The following CDH4 variants were observed in gnomAD, a reference collection of about 807,000 sequenced individuals.
CDH4 encodes cadherin 4.
In CDH4, 33 loss-of-function variants were observed where a neutral mutation model predicts 86.0. The ratio of observed to expected loss-of-function variants is 0.38; its 90% CI spans 0.29 to 0.51. The LOEUF is 0.51. Ranked by LOEUF, CDH4 falls within the 20% of genes least tolerant of loss-of-function variation. CDH4 has a pLI of 0.86. For synonymous variants in CDH4, 555 were observed against 549.4 expected (o/e 1.01, Z -0.14); for missense variants, 1,114 against 1,307.4 (o/e 0.85, Z 2.28).
chr20:61,404,731 T>C (rs2085070771), intron 2 of CDH4, among the ~76,000 whole-genome samples: 2 of 151,698 alleles, frequency 1.3e-5, no homozygotes, highest in Non-Finnish European at 2.9e-5. Context: ...TTTTTTTTTC[T>C]TTTTTTCCTA....
At chr20:61,662,162 A>G (rs2145833519) in intron 2 of CDH4, among the ~76,000 whole-genome samples, 1 of 152,128 alleles carries the variant, frequency 6.6e-6, no homozygotes, top group South Asian at 2.1e-4. Context: ...CTAATCTGCC[A>G]TGGCCTGGTG....
intron 3 of CDH4, among the ~76,000 whole-genome samples, chr20:61,748,843 A>C (rs372230761): frequency 6.6e-6 from 1 of 152,262 alleles, no homozygotes; most frequent in East Asian, 1.9e-4. Flanking sequence ...ACGTAATAAA[A>C]GGAAAAAATA....
At chr20:61,636,573 G>T (rs2086948368) in intron 2 of CDH4, among the ~76,000 whole-genome samples, 1 of 152,262 alleles carries the variant, frequency 6.6e-6, no homozygotes, top group Non-Finnish European at 1.5e-5. Flanking sequence ...AGCCCAGCGA[G>T]CGTGGCCTTT....
chr20:61,635,530 C>G (rs923627822), intron 2 of CDH4, among the ~76,000 whole-genome samples: 1 of 152,182 alleles, frequency 6.6e-6, no homozygotes, highest in African/African-American at 2.4e-5. Flanking sequence ...TCTGTGTCCC[C>G]TCCATGTTCT....
intron 4 of CDH4, among the ~76,000 whole-genome samples, chr20:61,798,474 G>A (rs1223924756): frequency 1.3e-5 from 2 of 152,190 alleles, no homozygotes; most frequent in Admixed American, 6.5e-5. Context: ...TGGCCCCGGG[G>A]TGCATCGCGC....
intron 2 of CDH4, among the ~76,000 whole-genome samples, chr20:61,448,164 G>T (rs1467933896): frequency 6.6e-6 from 1 of 152,216 alleles, no homozygotes; most frequent in Non-Finnish European, 1.5e-5. Context: ...ACTCCATGCT[G>T]GCTGGAAGCC....
chr20:61,507,572 C>T (rs903382808), intron 2 of CDH4, among the ~76,000 whole-genome samples: 2 of 151,988 alleles, frequency 1.3e-5, no homozygotes, highest in African/African-American at 2.4e-5. Flanking sequence ...GAAAAACAGA[C>T]GATTTTTCTA....
chr20:61,414,971 G>A (rs954825204), intron 2 of CDH4, among the ~76,000 whole-genome samples: 1 of 152,348 alleles, frequency 6.6e-6, no homozygotes, highest in South Asian at 2.1e-4. Context: ...GCTGATGGAT[G>A]TCCTGCATCC....
In CDH4 at chr20:61,517,434, A is replaced by G. The variant is rs2085829865; in HGVS notation, c.170-226129A>G. Among the ~76,000 whole-genome samples, 1 of 152,098 alleles carries G rather than the reference A, an allele frequency of 6.6e-6. No homozygotes were observed. Among genetic ancestry groups the G allele is most frequent in the Non-Finnish European group, 1.5e-5 (1 of 68,008 alleles). ...GGTCTCAAGTGCCTGGCCTCAAGCA[A>G]TCCTCCCACCTTGGCCTCCCAAAGT... On this transcript the variant is annotated intron_variant, in intron 2 of 15. Coordinates refer to ENST00000614565, the MANE Select transcript of CDH4 (RefSeq NM_001794.5). This position sits in a 1 kb window ranked among gnomAD's most constrained non-coding sequence, Gnocchi z 6.6.
chr20:61,875,688 A>C (rs1600728794), intron 7 of CDH4, among the ~76,000 whole-genome samples: 1 of 152,078 alleles, frequency 6.6e-6, no homozygotes, highest in Non-Finnish European at 1.5e-5. Context: ...CTGAGGCCCC[A>C]CCGCCCTCCA....
Position 61,308,062 on chromosome 20 carries a change from C to A in CDH4, c.169+53125C>A, listed in dbSNP as rs1313808616. On this transcript the variant is annotated intron_variant, in intron 2 of 15. Transcript: ENST00000614565. ...GGCTCTCCCTGTGGAGGTGAGATGA[C>A]CAGAATCACTGTAGAAGTACAAGGA... 4.6e-5 allele frequency among the ~76,000 whole-genome samples: 7 copies of A among 152,290 alleles called. No homozygotes were observed. The East Asian group carries it at 1.4e-3, about 29-fold the overall frequency.
intron 2 of CDH4, among the ~76,000 whole-genome samples, chr20:61,476,081 C>T (rs1395385646): frequency 6.6e-6 from 1 of 152,194 alleles, no homozygotes; most frequent in Non-Finnish European, 1.5e-5. Context: ...ACATAAGCCA[C>T]GAGCTTAATG....
intron 7 of CDH4, among the ~76,000 whole-genome samples, chr20:61,884,153 T>C (rs912479143): frequency 6.6e-6 from 1 of 152,038 alleles, no homozygotes; most frequent in African/African-American, 2.4e-5. Flanking sequence ...GAGGGTCTGC[T>C]GGAGTTGGGC....
rs764552572 is a variant in CDH4 at position 61,910,654 on chromosome 20, C to T, written c.1374+47C>T. 31 of 1,517,336 alleles carry T rather than the reference C, an allele frequency of 2.0e-5. No individual in the cohort carries two copies. The East Asian group carries it at 6.6e-4, about 32-fold the overall frequency. The allele number at this position is 1,517,336 out of a possible 1,614,324, so 94.0% of individuals were successfully genotyped here. A position where few individuals can be genotyped will look rare whatever the true frequency, so the allele number is the denominator to read the frequency against. On this transcript the variant is annotated intron_variant, in intron 9 of 15. Coordinates refer to ENST00000614565, the MANE Select transcript of CDH4 (RefSeq NM_001794.5). ...TGCCAGGCACCCCAAGTTCTGCCACCTGCACACTCCCTAGGACCAGTCAAA... is the reference window on the plus strand; with the variant it reads ...TGCCAGGCACCCCAAGTTCTGCCACTTGCACACTCCCTAGGACCAGTCAAA...
chr20:61,888,307 G>T (rs1984637859), intron 7 of CDH4, among the ~76,000 whole-genome samples: 1 of 152,210 alleles, frequency 6.6e-6, no homozygotes, highest in Non-Finnish European at 1.5e-5. Context: ...ACCGCTGCTG[G>T]CACCGTCCCC....
At chr20:61,862,089 G>A (rs114298978) in intron 6 of CDH4, among the ~76,000 whole-genome samples, 105 of 152,298 alleles carry the variant, frequency 6.9e-4, no homozygotes, top group African/African-American at 2.3e-3. Context: ...CACGCTCTGC[G>A]CCAGCTCCTT....
intron 2 of CDH4, among the ~76,000 whole-genome samples, chr20:61,257,909 G>T (rs115443721): frequency 6.6e-6 from 1 of 152,192 alleles, no homozygotes; most frequent in Non-Finnish European, 1.5e-5. Flanking sequence ...GAGGGCTCCC[G>T]GGTCGTATCT....
chr20:61,406,370 A>G (rs528947279), intron 2 of CDH4, among the ~76,000 whole-genome samples: 2 of 146,118 alleles, frequency 1.4e-5, no homozygotes, highest in South Asian at 4.5e-4. Flanking sequence ...ACCATCTGCC[A>G]TCTGCTCTGC....
At chr20:61,658,643 C>G (rs748283559) in intron 2 of CDH4, among the ~76,000 whole-genome samples, 1 of 152,206 alleles carries the variant, frequency 6.6e-6, no homozygotes, top group African/African-American at 2.4e-5. Context: ...ATGTCCTGGC[C>G]CAGGAGCCCT....
Sources: allele counts gnomAD v4.1 joint callset (sites outside exome capture counted in the v4.1 genomes callset), GRCh38; gene constraint gnomAD v4.1.1; non-coding constraint Gnocchi (gnomAD v3.1); transcripts MANE v1.5; gene names NCBI Gene and HGNC (gene_info 2026-07-23, HGNC 2026-07-21).